Variants in ERN2 observed in about 807,000 individuals in gnomAD.
ERN2 encodes serine/threonine-protein kinase/endoribonuclease IRE2.
ERN2 carries 111 observed loss-of-function variants against 107.9 expected under a neutral mutation model. The observed-to-expected ratio is 1.03, with a 90% confidence interval of 0.88 to 1.20. ERN2 has a LOEUF of 1.20. ERN2 is among the 50% of genes most tolerant of loss of function. ERN2 has a pLI of 0.00. For missense variants in ERN2, 1,225 were observed against 1,197.9 expected, an observed-to-expected ratio of 1.02 and a Z score of -0.33; for synonymous variants, 524 against 501.7, an observed-to-expected ratio of 1.04 and a Z score of -0.59.
At position 23,690,338 on chromosome 16, in the gene ERN2, T is replaced by C. The variant is rs952628441; in HGVS notation, c.*493A>G. ...AATTCGGAACTGTCCTTTCCTTGGC[T>C]TTATGCACATTAAACAGATGTGAAT... On this transcript the variant is annotated 3_prime_UTR_variant, in exon 22 of 22. Coordinates refer to ENST00000256797, the MANE Select transcript of ERN2 (RefSeq NM_033266.4). 32 of 556,436 alleles carry C rather than the reference T, an allele frequency of 5.8e-5. No individual in the cohort carries two copies. Among genetic ancestry groups the C allele is most frequent in the African/African-American group, 5.4e-4 (29 of 53,334 alleles). 34.5% of individuals were successfully genotyped at this position (556,436 alleles called of 1,614,324 possible).
chr16:23,713,040 C>A, intron 1 of ERN2, 55 bp downstream of exon 1: 1 of 1,355,558 alleles, frequency 7.4e-7, no homozygotes, highest in South Asian at 1.5e-5. Context: ...GCGACGCCGC[C>A]CCCTGCGCCC....
intron 13 of ERN2, among the ~76,000 whole-genome samples, chr16:23,699,019 A>G (rs1959939754): frequency 3.3e-5 from 5 of 152,194 alleles, no homozygotes; most frequent in African/African-American, 1.2e-4. Flanking sequence ...GGTAAAGATG[A>G]GCCAGACTCA....
intron 13 of ERN2, among the ~76,000 whole-genome samples, chr16:23,700,022 C>T (rs915919663): frequency 5.3e-5 from 8 of 152,062 alleles, no homozygotes; most frequent in Non-Finnish European, 1.0e-4. Context: ...CACCCAGGTT[C>T]CTTGAAAATA....
chr16:23,708,700 T>C (rs1960422654), intron 4 of ERN2, among the ~76,000 whole-genome samples: 1 of 152,108 alleles, frequency 6.6e-6, no homozygotes. Context: ...TCTGGTTGTT[T>C]AAAAGTGGGT....
At chr16:23,708,347 CTTTTTT>C (rs747761449) in intron 4 of ERN2, among the ~76,000 whole-genome samples, 4 of 54,716 alleles carry the variant, frequency 7.3e-5, no homozygotes, top group African/African-American at 1.6e-4. Context: ...TGGTGCTATT[CTTTTTT>C]TTTTTTTTTT....
chr16:23,706,054 T>C (rs1452484919), intron 7 of ERN2, among the ~76,000 whole-genome samples: 1 of 152,176 alleles, frequency 6.6e-6, no homozygotes, highest in African/African-American at 2.4e-5. Context: ...GGGGTCACTC[T>C]GGATGTGGGA....
rs755400372 is a variant in ERN2 at position 23,691,288 on chromosome 16, A to C, written c.2500+14T>G. The C allele has an allele frequency of 1.9e-6, 3 of 1,611,550 alleles. No homozygotes were observed. The highest frequency in any genetic ancestry group is 2.2e-5 in the East Asian group (1 of 44,878). On this transcript the variant is annotated intron_variant, in intron 20 of 21. Transcript: ENST00000256797. Reference sequence around the variant, plus strand: ...CCCCTCCACCGCCCAGGCCCACCTGAGTATGGCCTCTACCTGTCTGCAGCG... The same window carrying C: ...CCCCTCCACCGCCCAGGCCCACCTGCGTATGGCCTCTACCTGTCTGCAGCG...
chr16:23,697,572 A>T (rs1471599950), intron 13 of ERN2, among the ~76,000 whole-genome samples: 1 of 152,022 alleles, frequency 6.6e-6, no homozygotes, highest in Non-Finnish European at 1.5e-5. Flanking sequence ...ACTTGCTTAG[A>T]GTTTCCTGGA....
intron 4 of ERN2, among the ~76,000 whole-genome samples, chr16:23,707,723 AAAATG>A: frequency 6.6e-6 from 1 of 152,216 alleles, no homozygotes; most frequent in Non-Finnish European, 1.5e-5. Context: ...TAAACAAAAT[AAAATG>A]AAACAAACAA....
intron 4 of ERN2, chr16:23,709,178 T>A (rs1248001214): frequency 6.6e-6 from 3 of 455,538 alleles, no homozygotes; most frequent in African/African-American, 2.0e-5. Flanking sequence ...TACCTGTAGT[T>A]CCAGCTACTC....
In ERN2 at chr16:23,690,927, T is replaced by C; in HGVS notation, c.2685A>G (p.Arg895=). The change falls in exon 22 of 22, where the codon CGA becomes CGG. Residue 895 remains arginine (R), a synonymous_variant. Transcript: ENST00000256797. ...TCTCAGAGGCGCAGCTCCTCATGGC[T>C]CGGTGCGTGTGGAGGAGCAGCCGTG... is the stretch of plus-strand genomic sequence containing the variant. The part of the protein sequence containing the change: ...RFPRLLLHTH[R]AMRSCASESL... The C allele has an allele frequency of 6.2e-7, 1 of 1,613,998 alleles. No individual in the cohort carries two copies.
At chr16:23,694,216 C>T (rs1438052998) in intron 17 of ERN2, among the ~76,000 whole-genome samples, 3 of 152,152 alleles carry the variant, frequency 2.0e-5, no homozygotes, top group Admixed American at 1.3e-4. Context: ...AGGCTGGTCT[C>T]GAACTCCTGA....
rs1960510525 is a variant in ERN2 at position 23,710,823 on chromosome 16, G to A, written c.199+90C>T. 4.9e-6 allele frequency: 5 copies of A among 1,023,092 alleles called. 1 individual carries two copies. The South Asian group carries it at 6.9e-5, about 14-fold the overall frequency. 63.4% of individuals were successfully genotyped at this position (1,023,092 alleles called of 1,614,324 possible). On this transcript the variant is annotated intron_variant, in intron 2 of 21. Coordinates refer to ENST00000256797, the MANE Select transcript of ERN2 (RefSeq NM_033266.4). ...GTAGATACCAGCTTATTGGATTCTA[G>A]AGCCCATGTTCTTATTCTCTATGCC... is the stretch of plus-strand genomic sequence containing the variant.
At chr16:23,711,484 G>A (rs775451839) in intron 1 of ERN2, among the ~76,000 whole-genome samples, 1 of 152,004 alleles carries the variant, frequency 6.6e-6, no homozygotes, top group African/African-American at 2.4e-5. Context: ...AGCCTCCCAA[G>A]TAGTTGGGAC....
At chr16:23,693,753 T>C (rs1959693003) in intron 17 of ERN2, among the ~76,000 whole-genome samples, 1 of 152,180 alleles carries the variant, frequency 6.6e-6, no homozygotes, top group African/African-American at 2.4e-5. Context: ...TTTTGTGTGA[T>C]TGGCATCCAT....
chr16:23,690,550 G>A lies in ERN2; in HGVS notation c.*281C>T. On this transcript the variant is annotated 3_prime_UTR_variant, in exon 22 of 22. Coordinates refer to ENST00000256797, the MANE Select transcript of ERN2 (RefSeq NM_033266.4). ...GCTCACTGCAGCCTCGAACTCCTGGGCTCAAGTGATTCTCCCACCTCAGCC... is the reference window on the plus strand; with the variant it reads ...GCTCACTGCAGCCTCGAACTCCTGGACTCAAGTGATTCTCCCACCTCAGCC... 4.0e-6 allele frequency: 2 copies of A among 494,570 alleles called. No homozygotes were observed. Among genetic ancestry groups the A allele is most frequent in the Non-Finnish European group, 3.7e-6 (1 of 270,786 alleles). The allele number at this position is 494,570 out of a possible 1,614,324, so 30.6% of individuals were successfully genotyped here.
chr16:23,713,161 C>A lies in ERN2; in HGVS notation c.27G>T (p.Arg9Ser). The change falls in exon 1 of 22, where the codon AGG becomes AGT. Residue 9 changes from arginine (R) to serine (S), a missense_variant. By Grantham distance (110) the Arg-to-Ser change is moderately radical. Coordinates refer to ENST00000256797, the MANE Select transcript of ERN2 (RefSeq NM_033266.4). MASAVRGS[R>S]PWPRLGLQLQ... The stretch of plus-strand genomic sequence containing the variant: ...GCTGGAGCCCCAGCCGGGGCCACGG[C>A]CTCGACCCCCTGACCGCACTCGCCA... 1 of 1,574,008 alleles carries A rather than the reference C, an allele frequency of 6.4e-7. No individual in the cohort carries two copies. Among genetic ancestry groups the A allele is most frequent in the East Asian group, 2.4e-5 (1 of 42,442 alleles).
At chr16:23,711,185 C>G (rs1268631901) in intron 1 of ERN2, among the ~76,000 whole-genome samples, 167 bp from the exon 2 acceptor site, 1 of 152,110 alleles carries the variant, frequency 6.6e-6, no homozygotes, top group African/African-American at 2.4e-5. Flanking sequence ...CTCTTTGACC[C>G]TAGAGAAGGG....
intron 1 of ERN2, 49 bp from the exon 2 acceptor site, chr16:23,711,067 C>T (rs755733242): frequency 7.0e-6 from 9 of 1,290,686 alleles, no homozygotes; most frequent in Admixed American, 6.8e-5. Flanking sequence ...TCTGGGACCA[C>T]CCTTTGCTCC....
Sources: gnomAD v4.1 joint callset for allele counts (sites outside exome capture counted in the v4.1 genomes callset) on GRCh38, gnomAD v4.1.1 for gene constraint, MANE v1.5 for transcripts, NCBI Gene and HGNC (gene_info 2026-07-23, HGNC 2026-07-21) for gene names.